Variants in PRMT3 observed in about 807,000 individuals in gnomAD.
The protein encoded by PRMT3 is protein arginine N-methyltransferase 3.
PRMT3 carries 62 observed loss-of-function variants against 71.9 expected under a neutral mutation model. The observed-to-expected ratio is 0.86, with a 90% CI of 0.70 to 1.07. The LOEUF (loss-of-function observed/expected upper bound fraction) is 1.07, where lower values mean the gene tolerates loss of function less well. PRMT3 is among the 50% of genes least tolerant of loss of function. The pLI is 0.00. For missense variants in PRMT3, 663 were observed against 643.0 expected (o/e 1.03, Z -0.34); for synonymous variants, 213 against 220.4 (o/e 0.97, Z 0.30).
chr11:20,480,951 G>A (rs1850917118), intron 13 of PRMT3, among the ~76,000 whole-genome samples: 1 of 152,094 alleles, frequency 6.6e-6, no homozygotes, highest in Non-Finnish European at 1.5e-5. Context: ...ATATCCAGTA[G>A]GAAATTGAAA....
chr11:20,482,510 CTCTTGATTAGAGATGTCA>C (rs1249490489), intron 13 of PRMT3, among the ~76,000 whole-genome samples: 1 of 152,030 alleles, frequency 6.6e-6, no homozygotes, highest in Non-Finnish European at 1.5e-5. Context: ...TAAGAGTGGA[CTCTTGATTAGAGATGTCA>C]GAGGGGTTCT....
intron 11 of PRMT3, among the ~76,000 whole-genome samples, chr11:20,458,803 T>C (rs1419398663): frequency 1.3e-5 from 2 of 152,196 alleles, no homozygotes; most frequent in Non-Finnish European, 2.9e-5. Context: ...GACAAATAAT[T>C]TGAAAAATAC....
chr11:20,458,260 C>G (rs1462782932), intron 11 of PRMT3, among the ~76,000 whole-genome samples: 1 of 152,148 alleles, frequency 6.6e-6, no homozygotes, highest in East Asian at 1.9e-4. Flanking sequence ...TTTATACAAA[C>G]AGTGATACAA....
At chr11:20,429,591 G>C (rs1200571051) in intron 10 of PRMT3, among the ~76,000 whole-genome samples, 3 of 152,218 alleles carry the variant, frequency 2.0e-5, no homozygotes, top group African/African-American at 7.2e-5. Context: ...TTCGAAACCA[G>C]TAATGAAAAA....
At chr11:20,464,376 C>A in intron 12 of PRMT3, 84 bp from the exon 13 acceptor site, 2 of 1,454,120 alleles carry the variant, frequency 1.4e-6, no homozygotes, top group Non-Finnish European at 1.8e-6. Flanking sequence ...TAATGTTTGT[C>A]TGGGTTGTTT....
intron 12 of PRMT3, among the ~76,000 whole-genome samples, chr11:20,462,518 A>G (rs999916256): frequency 6.6e-6 from 1 of 152,172 alleles, no homozygotes; most frequent in African/African-American, 2.4e-5. Flanking sequence ...CTTCTCATTT[A>G]CAGCCAGATT....
intron 2 of PRMT3, among the ~76,000 whole-genome samples, chr11:20,389,246 C>T (rs539745340): frequency 1.8e-4 from 27 of 152,278 alleles, no homozygotes; most frequent in African/African-American, 6.0e-4. Context: ...GATGCAAGTA[C>T]GTTGGGAATA....
chr11:20,397,772 C>A, intron 7 of PRMT3, 51 bp downstream of exon 7: 1 of 1,584,004 alleles, frequency 6.3e-7, no homozygotes, highest in Non-Finnish European at 8.6e-7. Context: ...AAAAATAGAA[C>A]AGGTTCTTTC....
At chr11:20,481,512 T>G (rs999210784) in intron 13 of PRMT3, among the ~76,000 whole-genome samples, 39 of 152,090 alleles carry the variant, frequency 2.6e-4, no homozygotes, top group Non-Finnish European at 5.0e-4. Context: ...GCCAAAGAAA[T>G]GGTGATTTGT....
At chr11:20,488,405 G>A (rs1180578637) in intron 13 of PRMT3, among the ~76,000 whole-genome samples, 1 of 152,060 alleles carries the variant, frequency 6.6e-6, no homozygotes, top group African/African-American at 2.4e-5. Flanking sequence ...AGACTCATCA[G>A]TTGGCTTTTG....
At position 20,452,205 on chromosome 11, in the gene PRMT3, T is replaced by C; in HGVS notation, c.1069T>C (p.Ser357Pro). ...GAACAAATACTTGGCAAAAGGAGGC[T>C]CGGGTGAGTATAAAATTCTGGTTTT... ...AKNKYLAKGG[S>P]VYPDICTISL... is the part of the protein sequence containing the mutation. Residue 357 changes from serine to proline, a missense_variant, in exon 11 of 16, where the codon TCG becomes CCG. Coordinates refer to ENST00000331079, the MANE Select transcript of PRMT3 (RefSeq NM_005788.4). 6.3e-7 allele frequency: 1 copy of C among 1,598,576 alleles called. No individual in the cohort carries two copies. Among genetic ancestry groups the C allele is most frequent in the Non-Finnish European group, 8.6e-7 (1 of 1,166,382 alleles).
chr11:20,451,953 C>G (rs1850159083), intron 10 of PRMT3, among the ~76,000 whole-genome samples, 177 bp from the exon 11 acceptor site: 1 of 151,992 alleles, frequency 6.6e-6, no homozygotes, highest in Non-Finnish European at 1.5e-5. Flanking sequence ...TATAAGCTGG[C>G]CTGATTTTCC....
intron 12 of PRMT3, among the ~76,000 whole-genome samples, 185 bp downstream of exon 12, chr11:20,462,352 TTCTC>T (rs1286099760): frequency 5.9e-5 from 9 of 152,292 alleles, no homozygotes; most frequent in African/African-American, 2.2e-4. Context: ...TTAGAATCAC[TTCTC>T]TGTATATTAA....
chr11:20,421,615 C>T (rs1849426499), intron 9 of PRMT3, among the ~76,000 whole-genome samples: 1 of 152,194 alleles, frequency 6.6e-6, no homozygotes, highest in South Asian at 2.1e-4. Flanking sequence ...TTGAACTGTC[C>T]TCTACAAAGC....
intron 13 of PRMT3, among the ~76,000 whole-genome samples, chr11:20,468,383 T>C (rs937438010): frequency 6.6e-6 from 1 of 152,090 alleles, no homozygotes; most frequent in African/African-American, 2.4e-5. Flanking sequence ...TTTGTTTGTT[T>C]TGAGACAGGG....
chr11:20,397,029 G>T (rs867867014), intron 6 of PRMT3, among the ~76,000 whole-genome samples: 1 of 152,156 alleles, frequency 6.6e-6, no homozygotes, highest in East Asian at 1.9e-4. Context: ...ACCAACACCA[G>T]CTCTACCTTT....
chr11:20,504,973 T>C (rs545647886), intron 15 of PRMT3, among the ~76,000 whole-genome samples: 29 of 152,316 alleles, frequency 1.9e-4, no homozygotes, highest in African/African-American at 6.3e-4. Flanking sequence ...TCTCAAGTGA[T>C]CCGCCCACCT....
chr11:20,508,458 T>C lies in PRMT3; in HGVS notation c.*45T>C. 7.2e-7 allele frequency: 1 copy of C among 1,380,232 alleles called. No individual in the cohort carries two copies. Among genetic ancestry groups the C allele is most frequent in the Non-Finnish European group, 1.0e-6 (1 of 967,738 alleles). The allele number at this position is 1,380,232 out of a possible 1,614,324, so 85.5% of individuals were successfully genotyped here. On this transcript the variant is annotated 3_prime_UTR_variant, in exon 16 of 16. Transcript: ENST00000331079. ...TACCTTGTAGTTTTTAATGTGGGGG[T>C]AGAGTGGGTCAGCAGGAGGGAGCTG...
chr11:20,464,120 A>G (rs1850450751), intron 12 of PRMT3, among the ~76,000 whole-genome samples: 1 of 152,208 alleles, frequency 6.6e-6, no homozygotes, highest in African/African-American at 2.4e-5. Context: ...ATGTTAGGTG[A>G]AACACAGGAA....
Sources: gnomAD v4.1 joint callset for allele counts (sites outside exome capture counted in the v4.1 genomes callset) on GRCh38, gnomAD v4.1.1 for gene constraint, MANE v1.5 for transcripts, NCBI Gene and HGNC (gene_info 2026-07-23, HGNC 2026-07-21) for gene names.